The following ABI2 variants were observed in gnomAD, a reference collection of about 807,000 sequenced individuals.
The protein encoded by ABI2 is abelson interactor 2.
ABI2 carries 25 observed loss-of-function variants against 59.2 expected under a neutral mutation model. The observed-to-expected ratio is 0.42, with a 90% CI of 0.31 to 0.59. The LOEUF is 0.59. Among genes scored for constraint, ABI2 ranks in the 20% least tolerant of loss-of-function variants. ABI2 has a pLI of 0.14. For synonymous variants in ABI2, 213 were observed against 235.5 expected, an observed-to-expected ratio of 0.90 and a Z score of 0.87; for missense variants, 545 against 681.8, an observed-to-expected ratio of 0.80 and a Z score of 2.23.
chr2:203,353,332 A>G (rs989251479), intron 1 of ABI2, among the ~76,000 whole-genome samples: 1 of 152,216 alleles, frequency 6.6e-6, no homozygotes, highest in South Asian at 2.1e-4. Flanking sequence ...CAAGCGCTTC[A>G]TAGCTACATG....
At chr2:203,332,556 C>T (rs540278663) in intron 1 of ABI2, among the ~76,000 whole-genome samples, 17 of 152,210 alleles carry the variant, frequency 1.1e-4, no homozygotes, top group Non-Finnish European at 2.4e-4. Flanking sequence ...ACCTGGGAAG[C>T]GGAGGTTGCA....
At chr2:203,354,459 G>A (rs2090788660) in intron 1 of ABI2, among the ~76,000 whole-genome samples, 1 of 152,112 alleles carries the variant, frequency 6.6e-6, no homozygotes, top group African/African-American at 2.4e-5. Flanking sequence ...CTGGATGTAT[G>A]AATCTTATAT....
At position 203,396,875 on chromosome 2, in the gene ABI2, C is replaced by T. The variant is rs1169975329; in HGVS notation, c.941C>T (p.Thr314Ile). ...GTTCCTGCTACTGTCCCTTCCTCCA[C>T]TGCCCCAGACGCTGCTGCTGGGGGT... ...PLVPATVPSS[T>I]APDAAAGGAQ... is the part of the protein sequence containing the mutation. The change falls in exon 8 of 12, where the codon ACT becomes ATT. Residue 314 changes from threonine to isoleucine, a missense_variant. Thr to Ile is a moderately conservative substitution (Grantham distance 89). This residue lies in a region of ABI2 where 410 missense variants were observed against 435.6 expected (regional missense o/e 0.94). Coordinates refer to ENST00000261018, the MANE Select transcript of ABI2 (RefSeq NM_001375670.1). 2.6e-6 allele frequency: 4 copies of T among 1,534,790 alleles called. No individual in the cohort carries two copies. The highest frequency in any genetic ancestry group is 2.5e-5 in the East Asian group (1 of 40,670).
intron 1 of ABI2, among the ~76,000 whole-genome samples, chr2:203,334,687 CAG>C (rs1052070191): frequency 1.1e-4 from 16 of 146,586 alleles, no homozygotes; most frequent in Admixed American, 6.2e-4. Context: ...TTTTTTGAGA[CAG>C]AGTCTCTGTC....
chr2:203,353,488 T>C (rs995296789), intron 1 of ABI2, among the ~76,000 whole-genome samples: 3 of 152,174 alleles, frequency 2.0e-5, no homozygotes, highest in Non-Finnish European at 4.4e-5. Context: ...TATGTATTTA[T>C]TTATTTTTTG....
At chr2:203,346,901 G>A (rs1407818781) in intron 1 of ABI2, among the ~76,000 whole-genome samples, 1 of 152,132 alleles carries the variant, frequency 6.6e-6, no homozygotes, top group African/African-American at 2.4e-5. Flanking sequence ...CTAGGCCCTT[G>A]TTTGTGCTGC....
intron 2 of ABI2, among the ~76,000 whole-genome samples, chr2:203,370,604 A>G (rs1381374853): frequency 1.3e-5 from 2 of 152,228 alleles, no homozygotes; most frequent in African/African-American, 4.8e-5. Context: ...ACTTTTTCCA[A>G]ATGTTTGAGT....
At chr2:203,372,136 G>A (rs997729134) in intron 2 of ABI2, among the ~76,000 whole-genome samples, 75 of 151,812 alleles carry the variant, frequency 4.9e-4, no homozygotes, top group Non-Finnish European at 9.6e-4. Context: ...GACTCTTAAC[G>A]AGCATGCTGC....
chr2:203,397,641 A>C (rs2097057941), intron 8 of ABI2, among the ~76,000 whole-genome samples: 1 of 152,238 alleles, frequency 6.6e-6, no homozygotes, highest in Non-Finnish European at 1.5e-5. Flanking sequence ...GTCTGTTCTC[A>C]CATTGCTATA....
chr2:203,347,588 C>T (rs1206407708), intron 1 of ABI2, among the ~76,000 whole-genome samples: 1 of 152,128 alleles, frequency 6.6e-6, no homozygotes, highest in African/African-American at 2.4e-5. Context: ...TTCTGGGCAG[C>T]TGAGAGAAGA....
At chr2:203,403,155 T>C (rs1479345457) in intron 9 of ABI2, among the ~76,000 whole-genome samples, 1 of 152,244 alleles carries the variant, frequency 6.6e-6, no homozygotes, top group Non-Finnish European at 1.5e-5. Flanking sequence ...TAGGGAATTA[T>C]ACTAGCTTAT....
intron 1 of ABI2, among the ~76,000 whole-genome samples, chr2:203,360,349 G>C (rs547285980): frequency 3.9e-5 from 6 of 152,248 alleles, no homozygotes; most frequent in Admixed American, 6.5e-5. Flanking sequence ...GGTTCTTATT[G>C]GTAAGAGGAT....
intron 1 of ABI2, among the ~76,000 whole-genome samples, chr2:203,353,867 A>G (rs2090399925): frequency 6.6e-6 from 1 of 152,020 alleles, no homozygotes; most frequent in Non-Finnish European, 1.5e-5. Flanking sequence ...ATATGCCCAT[A>G]TTGCTATTTT....
chr2:203,412,551 G>T (rs1156694185), intron 10 of ABI2, among the ~76,000 whole-genome samples: 1 of 152,132 alleles, frequency 6.6e-6, no homozygotes, highest in Admixed American at 6.5e-5. Context: ...CACCTGTAAT[G>T]TTTACCACAC....
chr2:203,381,931 G>T (rs1031923778), intron 3 of ABI2, among the ~76,000 whole-genome samples: 14 of 152,042 alleles, frequency 9.2e-5, no homozygotes, highest in Admixed American at 8.5e-4. Context: ...GTGTTTAAGG[G>T]TCATTAATTT....
chr2:203,391,057 G>A lies in ABI2; in HGVS notation c.492G>A (p.Gln164=), dbSNP rs2096724695. ...KWLLRFKVST[Q]NMKMGGLPRT... Reference sequence around the variant, plus strand: ...TTAAAATTTTTTAGGTGAGTACCCAGAACATGAAGATGGGTGGGCTGCCGC... The same window carrying A: ...TTAAAATTTTTTAGGTGAGTACCCAAAACATGAAGATGGGTGGGCTGCCGC... Residue 164 remains glutamine (Q), a synonymous_variant, in exon 5 of 12, where the codon CAG becomes CAA. Coordinates refer to ENST00000261018, the MANE Select transcript of ABI2 (RefSeq NM_001375670.1). 1.9e-6 allele frequency: 3 copies of A among 1,613,546 alleles called. No homozygotes were observed. The highest frequency in any genetic ancestry group is 1.7e-5 in the Admixed American group (1 of 59,928).
chr2:203,382,738 T>C (rs948533349), intron 4 of ABI2, among the ~76,000 whole-genome samples: 1 of 152,242 alleles, frequency 6.6e-6, no homozygotes, highest in African/African-American at 2.4e-5. Flanking sequence ...CAGAAAATAT[T>C]CAGTGACACG....
At chr2:203,354,670 T>C (rs1394124184) in intron 1 of ABI2, among the ~76,000 whole-genome samples, 1 of 151,876 alleles carries the variant, frequency 6.6e-6, no homozygotes, top group East Asian at 1.9e-4. Flanking sequence ...TCTTGCACTA[T>C]ACTGGTTCCC....
intron 1 of ABI2, among the ~76,000 whole-genome samples, chr2:203,360,963 G>C (rs998805516): frequency 1.3e-5 from 2 of 152,176 alleles, no homozygotes; most frequent in African/African-American, 4.8e-5. Flanking sequence ...CGTATGCTCT[G>C]TTTATTCAAG....
Sources: allele counts gnomAD v4.1 joint callset (sites outside exome capture counted in the v4.1 genomes callset), GRCh38; gene constraint gnomAD v4.1.1; regional missense constraint gnomAD v4.1.1; transcripts MANE v1.5; gene names NCBI Gene and HGNC (gene_info 2026-07-23, HGNC 2026-07-21).